Variants in ZNF260 observed in about 807,000 individuals in gnomAD.
The protein encoded by ZNF260 is zfp-260.
In ZNF260, 21 loss-of-function variants were observed where a neutral mutation model predicts 29.3. The ratio of observed to expected loss-of-function variants is 0.72; its 90% confidence interval spans 0.51 to 1.03. The LOEUF (loss-of-function observed/expected upper bound fraction) is 1.03. Among genes scored for constraint, ZNF260 ranks in the 50% least tolerant of loss-of-function variants. ZNF260 has a pLI of 0.00. For missense variants in ZNF260, 465 were observed against 487.8 expected (o/e 0.95, Z 0.44); for synonymous variants, 156 against 156.8 (o/e 0.99, Z 0.04).
At chr19:36,521,343 C>T (rs1476490833) in intron 2 of ZNF260, among the ~76,000 whole-genome samples, 3 of 152,204 alleles carry the variant, frequency 2.0e-5, no homozygotes. Flanking sequence ...ACATCCTTCA[C>T]ACACTTATCA....
chr19:36,515,131 AAAAGT>A lies in ZNF260; in HGVS notation c.103_107del (p.Thr35Ter), dbSNP rs771471558. The A allele has an allele frequency of 1.2e-5, 19 of 1,613,828 alleles. No homozygotes were observed. The highest frequency in any genetic ancestry group is 1.6e-5 in the Non-Finnish European group (19 of 1,179,958). On this transcript the variant is annotated frameshift_variant, in exon 3 of 3. Coordinates refer to ENST00000523638, the MANE Select transcript of ZNF260 (RefSeq NM_001166037.2). LOFTEE classifies it high-confidence loss of function. ...GCTCTACAAGGTTTTGCTTCAGGCT[AAAAGT>A]TTTTCTACATTCATTACATTCATAA...
At chr19:36,525,602 C>G (rs2034721013) in intron 1 of ZNF260, among the ~76,000 whole-genome samples, 1 of 151,996 alleles carries the variant, frequency 6.6e-6, no homozygotes, top group Non-Finnish European at 1.5e-5. Flanking sequence ...GCCTGGCCAA[C>G]ATGGTGAAAC....
Position 36,510,944 on chromosome 19 carries a change from C to CCCAA in ZNF260, c.*3052_*3055dup, listed in dbSNP as rs1397965984. The CCCAA allele has an allele frequency of 1.3e-5, 2 of 151,964 alleles. No individual in the cohort carries two copies. The highest frequency in any genetic ancestry group is 4.8e-5 in the African/African-American group (2 of 41,360). 9.4% of individuals were successfully genotyped at this position (151,964 alleles called of 1,614,324 possible). The stretch of plus-strand genomic sequence containing the variant: ...AGTTATTCTGGTGACTTCAAGGCTA[C>CCCAA]CCAAGCACATGGGCAAAACACTTAA... On this transcript the variant is annotated 3_prime_UTR_variant, in exon 3 of 3. Transcript: ENST00000523638.
intron 2 of ZNF260, among the ~76,000 whole-genome samples, chr19:36,524,398 C>T (rs1291173718): frequency 6.6e-6 from 1 of 151,888 alleles, no homozygotes; most frequent in African/African-American, 2.4e-5. Flanking sequence ...CCAGGATGGT[C>T]GTGATCTCCT....
chr19:36,520,123 C>T (rs145086401), intron 2 of ZNF260, among the ~76,000 whole-genome samples: 7 of 148,944 alleles, frequency 4.7e-5, no homozygotes, highest in East Asian at 2.0e-4. Context: ...TGCTTGAACC[C>T]AGGAGGAGGA....
intron 1 of ZNF260, among the ~76,000 whole-genome samples, chr19:36,527,451 C>G (rs2145761022): frequency 6.6e-6 from 1 of 152,214 alleles, no homozygotes; most frequent in East Asian, 1.9e-4. Flanking sequence ...TTTGTATACA[C>G]AAGAAAAGAA....
At position 36,510,803 on chromosome 19, in the gene ZNF260, T is replaced by C. The variant is rs1189133983; in HGVS notation, c.*3197A>G. 1 of 152,160 alleles carries C rather than the reference T, an allele frequency of 6.6e-6. No homozygotes were observed. The highest frequency in any genetic ancestry group is 1.9e-4 in the East Asian group (1 of 5,184). 9.4% of individuals were successfully genotyped at this position (152,160 alleles called of 1,614,324 possible). ...CAGTATACAATATTAGAGAATATTA[T>C]GTTGCAATTGCTCATCTTACTCTGA... On this transcript the variant is annotated 3_prime_UTR_variant, in exon 3 of 3. Coordinates refer to ENST00000523638, the MANE Select transcript of ZNF260 (RefSeq NM_001166037.2).
rs899031233 is a variant in ZNF260, at chr19:36,511,733, T to G, written c.*2267A>C. On this transcript the variant is annotated 3_prime_UTR_variant, in exon 3 of 3. Coordinates refer to ENST00000523638, the MANE Select transcript of ZNF260 (RefSeq NM_001166037.2). Reference sequence around the variant, plus strand: ...CAAGTAAACAAATTCTCAAAAAGATTTGCTTCAAATAAGAGAACACTGTTT... The same window carrying G: ...CAAGTAAACAAATTCTCAAAAAGATGTGCTTCAAATAAGAGAACACTGTTT... 6.6e-6 allele frequency: 1 copy of G among 152,160 alleles called. No homozygotes were observed. The highest frequency in any genetic ancestry group is 1.5e-5 in the Non-Finnish European group (1 of 68,030). The allele number at this position is 152,160 out of a possible 1,614,324, so 9.4% of individuals were successfully genotyped here.
In ZNF260 at chr19:36,514,059, C is replaced by A; in HGVS notation, c.1180G>T (p.Gly394Trp). 6.2e-7 allele frequency: 1 copy of A among 1,613,980 alleles called. No individual in the cohort carries two copies. The highest frequency in any genetic ancestry group is 8.5e-7 in the Non-Finnish European group (1 of 1,179,936). The change falls in exon 3 of 3, where the codon GGG becomes TGG. Residue 394 changes from glycine to tryptophan, a missense_variant. Physicochemically the swap from Gly to Trp is radical, Grantham distance 184. Coordinates refer to ENST00000523638, the MANE Select transcript of ZNF260 (RefSeq NM_001166037.2). Reference sequence around the variant, plus strand: ...TGTGACTTTTGGCTGAAAGCTTTCCCACATTCACTACACTGATAAGGTTTT... The same window carrying A: ...TGTGACTTTTGGCTGAAAGCTTTCCAACATTCACTACACTGATAAGGTTTT... ...GEKPYQCSEC[G>W]KAFSQKSHHI...
intron 2 of ZNF260, among the ~76,000 whole-genome samples, chr19:36,516,878 G>T (rs757656950): frequency 6.6e-6 from 1 of 152,096 alleles, no homozygotes; most frequent in African/African-American, 2.4e-5. Flanking sequence ...GCGCCCGGCC[G>T]ACTTGGTCTT....
intron 2 of ZNF260, among the ~76,000 whole-genome samples, chr19:36,523,225 G>A (rs772738711): frequency 6.6e-6 from 1 of 152,096 alleles, no homozygotes; most frequent in Non-Finnish European, 1.5e-5. Flanking sequence ...CAACCTCGTA[G>A]CTTACTGGCT....
At chr19:36,523,722 C>T (rs568320669) in intron 2 of ZNF260, among the ~76,000 whole-genome samples, 27 of 151,614 alleles carry the variant, frequency 1.8e-4, no homozygotes, top group Admixed American at 1.7e-3. Context: ...GGATTACAGG[C>T]GTGTGCCACC....
At chr19:36,516,858 G>A (rs754181170) in intron 2 of ZNF260, among the ~76,000 whole-genome samples, 3 of 152,204 alleles carry the variant, frequency 2.0e-5, no homozygotes, top group Admixed American at 2.0e-4. Context: ...GATTACAGGC[G>A]TGAGCCACTG....
chr19:36,518,308 A>C (rs765397866), intron 2 of ZNF260, among the ~76,000 whole-genome samples: 11 of 152,316 alleles, frequency 7.2e-5, no homozygotes, highest in Non-Finnish European at 1.5e-4. Flanking sequence ...AAAACATTTG[A>C]TGAAAGTCCT....
In ZNF260 at chr19:36,514,411, G is replaced by A. The variant is rs779772633; in HGVS notation, c.828C>T (p.Tyr276=). The A allele has an allele frequency of 3.7e-6, 6 of 1,613,242 alleles. No homozygotes were observed. The highest frequency in any genetic ancestry group is 5.1e-6 in the Non-Finnish European group (6 of 1,179,536). The part of the protein sequence containing the change: ...HEKIHIGEKP[Y]KCNECGTIFR... Reference sequence around the variant, plus strand: ...AGATTGTTCCACATTCATTACATTTGTAGGGTTTCTCTCCAATATGAATTT... The same window carrying A: ...AGATTGTTCCACATTCATTACATTTATAGGGTTTCTCTCCAATATGAATTT... Residue 276 remains tyrosine (Y), a synonymous_variant, in exon 3 of 3, where the codon TAC becomes TAT. Coordinates refer to ENST00000523638, the MANE Select transcript of ZNF260 (RefSeq NM_001166037.2).
chr19:36,516,799 C>T (rs2034559061), intron 2 of ZNF260, among the ~76,000 whole-genome samples: 1 of 152,010 alleles, frequency 6.6e-6, no homozygotes, highest in Non-Finnish European at 1.5e-5. Context: ...AGGGTGGTCT[C>T]GATCTCCTGA....
At chr19:36,524,517 G>GTTTTTTTTTTTTTTGTT (rs2034698300) in intron 2 of ZNF260, among the ~76,000 whole-genome samples, 2 of 90,972 alleles carry the variant, frequency 2.2e-5, no homozygotes, top group Admixed American at 2.3e-4. Flanking sequence ...TTACATGCTA[G>GTTTTTTTTTTTTTTGTT]TTTTTTTTTT....
rs1265479805 is a variant in ZNF260, at chr19:36,513,942, C to T, written c.*58G>A. 6.5e-7 allele frequency: 1 copy of T among 1,543,208 alleles called. No homozygotes were observed. On this transcript the variant is annotated 3_prime_UTR_variant, in exon 3 of 3. Coordinates refer to ENST00000523638, the MANE Select transcript of ZNF260 (RefSeq NM_001166037.2). ...AATGTAAAATGAATTTTCCAATACA[C>T]TATTAAGTGTAAAATCTGCTGAACG...
At position 36,515,026 on chromosome 19, in the gene ZNF260, A is replaced by T. The variant is rs1426681084; in HGVS notation, c.213T>A (p.Thr71=). 1 of 1,614,178 alleles carries T rather than the reference A, an allele frequency of 6.2e-7. No individual in the cohort carries two copies. Among genetic ancestry groups the T allele is most frequent in the Non-Finnish European group, 8.5e-7 (1 of 1,180,028 alleles). ...TTCCTGTGTGACTTCTAAGGTGTAG[A>T]GTAAGAGATGAGACTCGAGAGCACA... ...GKVCSRVSSL[T]LHLRSHTGKK... Residue 71 remains threonine (T), a synonymous_variant, in exon 3 of 3, where the codon ACT becomes ACA. Coordinates refer to ENST00000523638, the MANE Select transcript of ZNF260 (RefSeq NM_001166037.2).
Sources: gnomAD v4.1 joint callset for allele counts (sites outside exome capture counted in the v4.1 genomes callset) on GRCh38, gnomAD v4.1.1 for gene constraint, MANE v1.5 for transcripts, NCBI Gene and HGNC (gene_info 2026-07-23, HGNC 2026-07-21) for gene names.